The following PPP2R2C variants were observed in gnomAD, a reference collection of about 807,000 sequenced individuals.
PPP2R2C encodes the protein protein phosphatase 2 regulatory subunit Bgamma.
A neutral mutation model predicts 45.3 loss-of-function variants in PPP2R2C; 10 were observed. The observed-to-expected ratio is 0.22, with a 90% confidence interval of 0.14 to 0.37. PPP2R2C has a LOEUF of 0.37. Among genes scored for constraint, PPP2R2C ranks in the 10% least tolerant of loss-of-function variants. PPP2R2C has a pLI of 1.00. For synonymous variants in PPP2R2C, 257 were observed against 245.4 expected, an observed-to-expected ratio of 1.05 and a Z score of -0.44; for missense variants, 308 against 619.7, an observed-to-expected ratio of 0.50 and a Z score of 5.34.
chr4:6,381,473 C>T, intron 1 of PPP2R2C: 1 of 1,370,742 alleles, frequency 7.3e-7, no homozygotes, highest in Non-Finnish European at 9.5e-7. Flanking sequence ...CACCCAGGCC[C>T]CCATGCTCCA....
chr4:6,358,083 C>T (rs1467115301), intron 5 of PPP2R2C, among the ~76,000 whole-genome samples: 1 of 152,200 alleles, frequency 6.6e-6, no homozygotes, highest in East Asian at 1.9e-4. Context: ...TGACTTCAAA[C>T]TATGCTACAA....
In PPP2R2C at chr4:6,375,963, C is replaced by T. The variant is rs1284711714; in HGVS notation, c.335-32G>A. 2.6e-6 allele frequency: 4 copies of T among 1,551,394 alleles called. No homozygotes were observed. In the African/African-American group the frequency reaches 4.1e-5, roughly 16 times the overall value. ...AAACAGAACAAAATAAAGCGAGTCA[C>T]ATAATTAAGCAGCCGGATGGAAGAG... On this transcript the variant is annotated intron_variant, in intron 3 of 8. Coordinates refer to ENST00000382599, the MANE Select transcript of PPP2R2C (RefSeq NM_020416.4).
Position 6,378,268 on chromosome 4 carries a change from G to A in PPP2R2C, c.334+139C>T, listed in dbSNP as rs1028813576. ...GCATACTCACTCATGGGATTTATAT[G>A]CTGCTCAAAAAGGATATTATTTTCT... is the stretch of plus-strand genomic sequence containing the variant. On this transcript the variant is annotated intron_variant, in intron 3 of 8. Transcript: ENST00000382599. This position sits in a 1 kb window ranked among gnomAD's most constrained non-coding sequence, Gnocchi z 5.2. 6.6e-7 allele frequency: 1 copy of A among 1,504,282 alleles called. No individual in the cohort carries two copies. Among genetic ancestry groups the A allele is most frequent in the Non-Finnish European group, 8.9e-7 (1 of 1,124,496 alleles). The allele number at this position is 1,504,282 out of a possible 1,614,324, so 93.2% of individuals were successfully genotyped here.
At chr4:6,363,227 C>A (rs954746376) in intron 5 of PPP2R2C, among the ~76,000 whole-genome samples, 2 of 152,176 alleles carry the variant, frequency 1.3e-5, no homozygotes, top group Non-Finnish European at 2.9e-5. Context: ...TTGAACAATA[C>A]CCTCTCTTCT....
intron 5 of PPP2R2C, chr4:6,349,297 T>C (rs1560467419): frequency 1.0e-6 from 1 of 984,768 alleles, no homozygotes; most frequent in Non-Finnish European, 1.2e-6. Context: ...GAATCCCAGC[T>C]CTGTCACCTC....
At chr4:6,385,003 G>A (rs540623700) in intron 1 of PPP2R2C, among the ~76,000 whole-genome samples, 156 of 152,320 alleles carry the variant, frequency 1.0e-3, no homozygotes, top group African/African-American at 3.6e-3. Flanking sequence ...AGTGAGACAA[G>A]GAGGTGAGAG....
chr4:6,444,878 C>T (rs921671384), intron 1 of PPP2R2C, among the ~76,000 whole-genome samples: 2 of 152,192 alleles, frequency 1.3e-5, no homozygotes, highest in African/African-American at 4.8e-5. Context: ...ACATCCATGG[C>T]CCAGTGCATC....
intron 2 of PPP2R2C, among the ~76,000 whole-genome samples, chr4:6,520,031 C>G (rs1196314918): frequency 6.6e-6 from 1 of 152,200 alleles, no homozygotes; most frequent in Non-Finnish European, 1.5e-5. Flanking sequence ...AGAAGAGTGA[C>G]AGGACGGGCT....
chr4:6,482,891 T>C (rs1722403628), intron 2 of PPP2R2C, among the ~76,000 whole-genome samples: 1 of 152,222 alleles, frequency 6.6e-6, no homozygotes, highest in African/African-American at 2.4e-5. Context: ...ATTCCTTTCC[T>C]GGTTTTCTGA....
intron 1 of PPP2R2C, among the ~76,000 whole-genome samples, chr4:6,396,104 G>T (rs1284990012): frequency 1.3e-5 from 2 of 152,204 alleles, no homozygotes; most frequent in African/African-American, 4.8e-5. Flanking sequence ...GCAGGTGCGT[G>T]GCATGCTGCC....
At chr4:6,513,120 A>C (rs1276744714) in intron 2 of PPP2R2C, among the ~76,000 whole-genome samples, 3 of 152,188 alleles carry the variant, frequency 2.0e-5, no homozygotes, top group Non-Finnish European at 4.4e-5. Context: ...AAAATTTACC[A>C]AAGGACAACA....
chr4:6,355,177 C>A (rs957453793), intron 5 of PPP2R2C, among the ~76,000 whole-genome samples: 2 of 151,300 alleles, frequency 1.3e-5, no homozygotes, highest in Non-Finnish European at 2.9e-5. Flanking sequence ...GCCTGGCACA[C>A]AGTAGGTGTT....
chr4:6,511,633 G>A lies in PPP2R2C; in HGVS notation c.49+23638C>T, dbSNP rs1256535769. Among the ~76,000 whole-genome samples the A allele has an allele frequency of 2.4e-3, 192 of 80,660 alleles. 10 individuals are homozygous for A. The highest frequency in any genetic ancestry group is 0.019 in the Middle Eastern group (2 of 104). 52.9% of individuals were successfully genotyped at this position (80,660 alleles called of 152,430 possible). A position where few individuals can be genotyped will look rare whatever the true frequency, so the allele number is the denominator to read the frequency against. On this transcript the variant is annotated intron_variant, in intron 2 of 9. Transcript: ENST00000506140. ...GGTGGTGGTGATGGTGGTGGTGGTGGTGGTGTTGATGGTGGTGGTGATGGT... is the reference window on the plus strand; with the variant it reads ...GGTGGTGGTGATGGTGGTGGTGGTGATGGTGTTGATGGTGGTGGTGATGGT...
intron 2 of PPP2R2C, among the ~76,000 whole-genome samples, chr4:6,497,136 C>A (rs1249950988): frequency 6.6e-6 from 1 of 152,096 alleles, no homozygotes; most frequent in Non-Finnish European, 1.5e-5. Context: ...GGCACCCCAA[C>A]TGAGGAAACA....
At chr4:6,408,264 C>T (rs1717930008) in intron 1 of PPP2R2C, among the ~76,000 whole-genome samples, 1 of 152,164 alleles carries the variant, frequency 6.6e-6, no homozygotes, top group Non-Finnish European at 1.5e-5. Flanking sequence ...TGCAAAAACC[C>T]CCACCAGGGG....
chr4:6,365,494 A>G (rs1183371571), intron 5 of PPP2R2C, among the ~76,000 whole-genome samples: 3 of 152,194 alleles, frequency 2.0e-5, no homozygotes, highest in African/African-American at 7.2e-5. Context: ...GGTAAAGGAG[A>G]CACACTCCCA....
intron 1 of PPP2R2C, among the ~76,000 whole-genome samples, chr4:6,543,291 C>A (rs762140395): frequency 6.6e-6 from 1 of 152,210 alleles, no homozygotes; most frequent in African/African-American, 2.4e-5. Flanking sequence ...ATCAATCAGG[C>A]ATGGACCCCA....
chr4:6,533,041 G>A (rs957443001), intron 2 of PPP2R2C, among the ~76,000 whole-genome samples: 2 of 152,208 alleles, frequency 1.3e-5, no homozygotes, highest in African/African-American at 4.8e-5. Context: ...GTAAGCAGGG[G>A]GATGAGAGAC....
Position 6,330,859 on chromosome 4 carries a change from G to A in PPP2R2C, c.961-1506C>T, listed in dbSNP as rs565368269. On this transcript the variant is annotated intron_variant, in intron 7 of 8. Transcript: ENST00000382599. The surrounding 1 kb of genome is among the most constrained non-coding windows in gnomAD (Gnocchi z 7.0). ...CTACCTGACTCCCGCCTGGGGCCCTGCTCATCCCTCCCCAGCCCCCGTGTC... is the reference window on the plus strand; with the variant it reads ...CTACCTGACTCCCGCCTGGGGCCCTACTCATCCCTCCCCAGCCCCCGTGTC... Among the ~76,000 whole-genome samples, 4 of 152,272 alleles carry A rather than the reference G, an allele frequency of 2.6e-5. No individual in the cohort carries two copies. The highest frequency in any genetic ancestry group is 9.6e-5 in the African/African-American group (4 of 41,552).
Sources: allele counts gnomAD v4.1 joint callset (sites outside exome capture counted in the v4.1 genomes callset), GRCh38; gene constraint gnomAD v4.1.1; non-coding constraint Gnocchi (gnomAD v3.1); transcripts MANE v1.5; gene names NCBI Gene and HGNC (gene_info 2026-07-23, HGNC 2026-07-21).